The following PMVK variants were observed in gnomAD, a reference collection of about 807,000 sequenced individuals.
PMVK encodes the protein testis tissue sperm-binding protein Li 95mP.
Under a neutral mutation model 19.0 loss-of-function variants are expected in PMVK, and 10 were observed. That is an observed-to-expected ratio of 0.53 (90% CI 0.32 to 0.89). PMVK has a LOEUF of 0.89. PMVK is among the 40% of genes least tolerant of loss of function. PMVK has a pLI of 0.03. For synonymous variants in PMVK, 108 were observed against 101.6 expected (o/e 1.06, Z -0.38); for missense variants, 222 against 251.1 (o/e 0.88, Z 0.78).
intron 3 of PMVK, 144 bp from the exon 4 acceptor site, chr1:154,926,627 TC>T (rs899097999): frequency 1.6e-6 from 1 of 642,868 alleles, no homozygotes; most frequent in African/African-American, 1.8e-5. Flanking sequence ...GACTCACTAT[TC>T]ACGGATTCAT....
chr1:154,933,360 G>A (rs1654398628), intron 1 of PMVK, among the ~76,000 whole-genome samples: 1 of 151,678 alleles, frequency 6.6e-6, no homozygotes, highest in Non-Finnish European at 1.5e-5. Context: ...CTGAACCCAG[G>A]AGGTGGAAGT....
intron 2 of PMVK, 136 bp from the exon 3 acceptor site, chr1:154,929,312 G>C: frequency 1.4e-6 from 1 of 735,724 alleles, no homozygotes; most frequent in Non-Finnish European, 2.2e-6. Flanking sequence ...TTTCAGCCAG[G>C]ACAAAGGTCT....
At chr1:154,934,923 A>G (rs1456204794) in intron 1 of PMVK, among the ~76,000 whole-genome samples, 1 of 151,860 alleles carries the variant, frequency 6.6e-6, no homozygotes, top group African/African-American at 2.4e-5. Context: ...TTAGCTGGGC[A>G]TGGTGGCACA....
chr1:154,929,035 G>A lies in PMVK; in HGVS notation c.301C>T (p.Gln101Ter). The A allele has an allele frequency of 6.2e-7, 1 of 1,613,998 alleles. No individual in the cohort carries two copies. The highest frequency in any genetic ancestry group is 1.3e-5 in the African/African-American group (1 of 75,030). ...FCRKIVEGIS[Q>*]PIWLVSDTRR... is the part of the protein sequence containing the mutation. ...TGGAGCCCTCTTACCCAGATGGGCT[G>A]GGAGATGCCCTCCACAATCTTCCTG... The change falls in exon 3 of 5, where the codon CAG becomes TAG. Residue 101 changes from glutamine to a stop codon, truncating the protein, a stop_gained. Coordinates refer to ENST00000368467, the MANE Select transcript of PMVK (RefSeq NM_006556.4). LOFTEE classifies it high-confidence loss of function.
chr1:154,925,080 G>GCCCCCCCCCCCCCC lies in PMVK; in HGVS notation c.*48_*49insGGGGGGGGGGGGGG. 1.2e-5 allele frequency: 17 copies of GCCCCCCCCCCCCCC among 1,459,202 alleles called. No individual in the cohort carries two copies. The highest frequency in any genetic ancestry group is 9.1e-5 in the Admixed American group (5 of 55,188). The allele number at this position is 1,459,202 out of a possible 1,614,324, so 90.4% of individuals were successfully genotyped here. A position where few individuals can be genotyped will look rare whatever the true frequency, so the allele number is the denominator to read the frequency against. On this transcript the variant is annotated 3_prime_UTR_variant, in exon 5 of 5. Coordinates refer to ENST00000368467, the MANE Select transcript of PMVK (RefSeq NM_006556.4). ...GGGACACCCCCATTTTGCAGAGTCA[G>GCCCCCCCCCCCCCC]CCCCACCCCCACCTCAGCAGGCCCC...
At chr1:154,941,629 G>C (rs1654642660), upstream of PMVK, among the ~76,000 whole-genome samples, 1 of 152,056 alleles carries the variant, frequency 6.6e-6, no homozygotes, top group Admixed American at 6.5e-5. Context: ...GGCCCAGCCG[G>C]ACGAGGCTGG....
At chr1:154,936,253 T>C (rs1292800681) in intron 1 of PMVK, 3 of 314,234 alleles carry the variant, frequency 9.5e-6, no homozygotes, top group African/African-American at 4.5e-5. Context: ...AGCTACTTTT[T>C]GGATTTTTCG....
upstream of PMVK, among the ~76,000 whole-genome samples, chr1:154,939,850 A>C (rs1255853822): frequency 3.3e-5 from 5 of 151,894 alleles, no homozygotes; most frequent in Non-Finnish European, 7.4e-5. Flanking sequence ...TGCAGCCTTG[A>C]TGTCCTGGGC....
Position 154,925,010 on chromosome 1 carries a change from G to A in PMVK, c.*119C>T. Reference sequence around the variant, plus strand: ...TGCCCAATATCCACCAACCCCCTCAGAATCTAGACCCCCCCTGTCTGTTCC... The same window carrying A: ...TGCCCAATATCCACCAACCCCCTCAAAATCTAGACCCCCCCTGTCTGTTCC... On this transcript the variant is annotated 3_prime_UTR_variant, in exon 5 of 5. Transcript: ENST00000368467. 6 of 856,948 alleles carry A rather than the reference G, an allele frequency of 7.0e-6. No homozygotes were observed. The highest frequency in any genetic ancestry group is 6.5e-5 in the South Asian group (3 of 46,010). 53.1% of individuals were successfully genotyped at this position (856,948 alleles called of 1,614,324 possible). A position where few individuals can be genotyped will look rare whatever the true frequency, so the allele number is the denominator to read the frequency against.
At position 154,925,006 on chromosome 1, in the gene PMVK, C is replaced by T; in HGVS notation, c.*123G>A. 3 of 925,062 alleles carry T rather than the reference C, an allele frequency of 3.2e-6. 1 individual carries two copies. The East Asian group carries it at 9.0e-5, about 28-fold the overall frequency. 57.3% of individuals were successfully genotyped at this position (925,062 alleles called of 1,614,324 possible). A position where few individuals can be genotyped will look rare whatever the true frequency, so the allele number is the denominator to read the frequency against. On this transcript the variant is annotated 3_prime_UTR_variant, in exon 5 of 5. Transcript: ENST00000368467. The stretch of plus-strand genomic sequence containing the variant: ...GCCTTGCCCAATATCCACCAACCCC[C>T]TCAGAATCTAGACCCCCCCTGTCTG...
At chr1:154,942,266 TGA>T in the PMVK span, among the ~76,000 whole-genome samples, 1 of 152,300 alleles carries the variant, frequency 6.6e-6, no homozygotes, top group South Asian at 2.1e-4. Context: ...TGAAATCCAG[TGA>T]GTCTACCCAC....
intron 1 of PMVK, among the ~76,000 whole-genome samples, chr1:154,934,380 G>A (rs1272913454): frequency 6.6e-6 from 1 of 152,096 alleles, no homozygotes; most frequent in Non-Finnish European, 1.5e-5. Flanking sequence ...GCAGTGGTAT[G>A]ATCACAGCTC....
At chr1:154,925,823 C>T (rs533028195) in intron 4 of PMVK, among the ~76,000 whole-genome samples, 2 of 152,322 alleles carry the variant, frequency 1.3e-5, no homozygotes, top group East Asian at 3.9e-4. Context: ...AAATGCTTAG[C>T]ACAGGCCTGG....
intron 2 of PMVK, among the ~76,000 whole-genome samples, chr1:154,930,337 G>A (rs969633127): frequency 3.3e-5 from 5 of 152,216 alleles, no homozygotes; most frequent in African/African-American, 1.2e-4. Flanking sequence ...ACCCATGGCT[G>A]CAATCCCAGC....
chr1:154,935,180 C>T (rs532827439), intron 1 of PMVK, among the ~76,000 whole-genome samples: 1 of 152,038 alleles, frequency 6.6e-6, no homozygotes, highest in Non-Finnish European at 1.5e-5. Flanking sequence ...ATTCCAGAGC[C>T]TGTGCTTCGG....
Position 154,925,019 on chromosome 1 carries a change from C to G in PMVK, c.*110G>C. 2.9e-6 allele frequency: 2 copies of G among 692,602 alleles called. No individual in the cohort carries two copies. Among genetic ancestry groups the G allele is most frequent in the East Asian group, 5.6e-5 (1 of 17,986 alleles). 42.9% of individuals were successfully genotyped at this position (692,602 alleles called of 1,614,324 possible). A position where few individuals can be genotyped will look rare whatever the true frequency, so the allele number is the denominator to read the frequency against. On this transcript the variant is annotated 3_prime_UTR_variant, in exon 5 of 5. Transcript: ENST00000368467. ...TCCACCAACCCCCTCAGAATCTAGA[C>G]CCCCCCTGTCTGTTCCTCACCTCGG... is the stretch of plus-strand genomic sequence containing the variant.
chr1:154,937,760 T>C (rs1478410869), upstream of PMVK: 2 of 152,206 alleles, frequency 1.3e-5, no homozygotes, highest in African/African-American at 4.8e-5. Context: ...AAACCATTAA[T>C]TTCCTGAATG....
chr1:154,941,268 C>T (rs576035300), upstream of PMVK, among the ~76,000 whole-genome samples: 4 of 152,292 alleles, frequency 2.6e-5, no homozygotes, highest in Middle Eastern at 3.4e-3. Flanking sequence ...CATTTGGGAG[C>T]GGCAGTCACC....
chr1:154,940,545 T>C (rs6699043), upstream of PMVK, among the ~76,000 whole-genome samples: 80,195 of 151,992 alleles, frequency 0.53, 22,378 homozygotes, highest in East Asian at 0.88. Context: ...TATAACACCC[T>C]TACCTCAGGC....
Sources: gnomAD v4.1 joint callset for allele counts (sites outside exome capture counted in the v4.1 genomes callset) on GRCh38, gnomAD v4.1.1 for gene constraint, MANE v1.5 for transcripts, NCBI Gene and HGNC (gene_info 2026-07-23, HGNC 2026-07-21) for gene names.